PREP: variants seen among roughly 807,000 people sequenced by gnomAD.
PREP encodes dJ355L5.1 (prolyl endopeptidase).
A neutral mutation model predicts 87.6 loss-of-function variants in PREP; 29 were observed. The observed-to-expected ratio is 0.33, with a 90% CI of 0.25 to 0.45. PREP has a LOEUF of 0.45. Among genes scored for constraint, PREP ranks in the 20% least tolerant of loss-of-function variants. PREP has a pLI of 1.00. For synonymous variants in PREP, 337 were observed against 328.6 expected, an observed-to-expected ratio of 1.03 and a Z score of -0.28; for missense variants, 695 against 886.5, an observed-to-expected ratio of 0.78 and a Z score of 2.74.
intron 11 of PREP, among the ~76,000 whole-genome samples, chr6:105,288,113 G>A (rs1297293892): frequency 1.3e-5 from 2 of 152,120 alleles, no homozygotes; most frequent in African/African-American, 2.4e-5. Context: ...AAGGTAGTGC[G>A]GTGGCAGCAA....
At chr6:105,386,077 A>T (rs1772987687) in intron 2 of PREP, among the ~76,000 whole-genome samples, 1 of 152,180 alleles carries the variant, frequency 6.6e-6, no homozygotes, top group Non-Finnish European at 1.5e-5. Context: ...CCGAGATAGC[A>T]CCATTGCACT....
At chr6:105,355,907 A>G (rs943209161) in intron 6 of PREP, among the ~76,000 whole-genome samples, 2 of 152,112 alleles carry the variant, frequency 1.3e-5, no homozygotes, top group African/African-American at 2.4e-5. Context: ...CTAGAAGAGT[A>G]TGTGGTTCAT....
intron 6 of PREP, among the ~76,000 whole-genome samples, chr6:105,362,799 C>G (rs566454953): frequency 1.3e-5 from 2 of 152,216 alleles, no homozygotes; most frequent in South Asian, 4.1e-4. Context: ...ATGGACTGTG[C>G]CAACTGGGAA....
chr6:105,322,862 A>G, intron 10 of PREP: 5 of 1,172,338 alleles, frequency 4.3e-6, no homozygotes, highest in Non-Finnish European at 5.4e-6. Flanking sequence ...TCACCAAGCT[A>G]TAATAATGCC....
In PREP at chr6:105,333,248, C is replaced by T. The variant is rs116397688; in HGVS notation, c.1015+66G>A. 1.9e-3 allele frequency: 2,634 copies of T among 1,422,736 alleles called. 38 individuals are homozygous for T. In the African/African-American group the frequency reaches 0.032, roughly 17 times the overall value. The allele number at this position is 1,422,736 out of a possible 1,614,324, so 88.1% of individuals were successfully genotyped here. A position where few individuals can be genotyped will look rare whatever the true frequency, so the allele number is the denominator to read the frequency against. On this transcript the variant is annotated intron_variant, in intron 8 of 14. Transcript: ENST00000652536. Reference sequence around the variant, plus strand: ...TAACAGATCACTAGAGAATGAGAGACGCACTAACTTGTTGATGTTCTCATC... The same window carrying T: ...TAACAGATCACTAGAGAATGAGAGATGCACTAACTTGTTGATGTTCTCATC...
At chr6:105,317,650 A>C (rs1770911662) in intron 10 of PREP, among the ~76,000 whole-genome samples, 1 of 152,122 alleles carries the variant, frequency 6.6e-6, no homozygotes, top group African/African-American at 2.4e-5. Flanking sequence ...CCAAGGATGG[A>C]CTGTGTCCAC....
chr6:105,339,770 G>C (rs1316444657), intron 7 of PREP, among the ~76,000 whole-genome samples: 1 of 152,148 alleles, frequency 6.6e-6, no homozygotes, highest in East Asian at 1.9e-4. Flanking sequence ...ATTCGATCAA[G>C]TGGAAGAAAG....
chr6:105,302,851 C>G (rs551279996), intron 10 of PREP: 1 of 342,222 alleles, frequency 2.9e-6, no homozygotes, highest in African/African-American at 2.2e-5. Context: ...CCGCCGCCTG[C>G]TCCGAGGGCT....
intron 7 of PREP, among the ~76,000 whole-genome samples, chr6:105,339,521 T>C (rs564421101): frequency 6.6e-6 from 1 of 152,294 alleles, no homozygotes; most frequent in Non-Finnish European, 1.5e-5. Context: ...GGAACAAAGC[T>C]GGATGGAGAA....
chr6:105,277,165 T>TC lies in PREP; in HGVS notation c.*978_*979insG, dbSNP rs1269754601. Among the ~76,000 whole-genome samples, 2 of 145,486 alleles carry TC rather than the reference T, an allele frequency of 1.4e-5. No homozygotes were observed. Among genetic ancestry groups the TC allele is most frequent in the African/African-American group, 5.6e-5 (2 of 35,780 alleles). On this transcript the variant is annotated 3_prime_UTR_variant, in exon 15 of 15. Coordinates refer to ENST00000652536, the MANE Select transcript of PREP (RefSeq NM_002726.5). ...TTGGGGGTGGGCAAACCAAAACTTT[T>TC]TTTTTTTTTTTTCCAGTAAGTAAGT...
intron 5 of PREP, 116 bp from the exon 6 acceptor site, chr6:105,369,140 G>A: frequency 9.7e-7 from 1 of 1,029,398 alleles, no homozygotes; most frequent in Non-Finnish European, 1.4e-6. Context: ...AGGATACAAG[G>A]TTAACATACA....
intron 7 of PREP, among the ~76,000 whole-genome samples, chr6:105,336,529 A>T (rs1771483116): frequency 6.6e-6 from 1 of 152,204 alleles, no homozygotes; most frequent in Non-Finnish European, 1.5e-5. Flanking sequence ...ATGATGTTAG[A>T]TATACAAAGA....
At chr6:105,387,545 T>C (rs898211433) in intron 2 of PREP, among the ~76,000 whole-genome samples, 2 of 146,964 alleles carry the variant, frequency 1.4e-5, no homozygotes, top group Non-Finnish European at 3.0e-5. Flanking sequence ...TGGGCCACAC[T>C]GGAAGAAGAA....
chr6:105,372,946 C>A (rs149324040), intron 5 of PREP, among the ~76,000 whole-genome samples: 141 of 152,302 alleles, frequency 9.3e-4, no homozygotes, highest in Non-Finnish European at 1.7e-3. Flanking sequence ...CAGGAGCAAG[C>A]CTAGGCATTA....
intron 10 of PREP, among the ~76,000 whole-genome samples, chr6:105,308,788 A>T (rs1770701327): frequency 6.6e-6 from 1 of 152,190 alleles, no homozygotes; most frequent in African/African-American, 2.4e-5. Flanking sequence ...GACTCTGGGG[A>T]CACAGCAGTG....
At chr6:105,402,308 G>A (rs1395803324) in intron 1 of PREP, among the ~76,000 whole-genome samples, 1 of 152,134 alleles carries the variant, frequency 6.6e-6, no homozygotes, top group Non-Finnish European at 1.5e-5. Context: ...CATCCGACCT[G>A]GGACAGGGTA....
rs1769957216 is a variant in PREP at position 105,277,175 on chromosome 6, T to TTTC, written c.*966_*968dup. Among the ~76,000 whole-genome samples the TTTC allele has an allele frequency of 7.0e-6, 1 of 142,232 alleles. No individual in the cohort carries two copies. Among genetic ancestry groups the TTTC allele is most frequent in the African/African-American group, 3.0e-5 (1 of 33,466 alleles). The allele number at this position is 142,232 out of a possible 152,430, so 93.3% of individuals were successfully genotyped here. A position where few individuals can be genotyped will look rare whatever the true frequency, so the allele number is the denominator to read the frequency against. On this transcript the variant is annotated 3_prime_UTR_variant, in exon 15 of 15. Transcript: ENST00000652536. ...GCAAACCAAAACTTTTTTTTTTTTT[T>TTTC]TTCCAGTAAGTAAGTATGACTATTT...
rs867821597 is a variant in PREP at position 105,349,894 on chromosome 6, C to G, written c.823+3078G>C. ...AAAGAGGATAACAAAATTGGGGAAGCAGGTAAAAAAAAAAAAAAAAAAAAA... is the reference window on the plus strand; with the variant it reads ...AAAGAGGATAACAAAATTGGGGAAGGAGGTAAAAAAAAAAAAAAAAAAAAA... On this transcript the variant is annotated intron_variant, in intron 7 of 14. Coordinates refer to ENST00000652536, the MANE Select transcript of PREP (RefSeq NM_002726.5). 7.6e-5 allele frequency among the ~76,000 whole-genome samples: 5 copies of G among 65,570 alleles called. No individual in the cohort carries two copies. The East Asian group carries it at 1.1e-3, about 14-fold the overall frequency. The allele number at this position is 65,570 out of a possible 152,430, so 43.0% of individuals were successfully genotyped here. A position where few individuals can be genotyped will look rare whatever the true frequency, so the allele number is the denominator to read the frequency against.
intron 2 of PREP, among the ~76,000 whole-genome samples, chr6:105,382,828 A>G (rs9285386): frequency 0.29 from 44,511 of 152,074 alleles, 8,445 homozygotes; most frequent in African/African-American, 0.55. Flanking sequence ...TGAAATACCA[A>G]TGAAAACTAA....
Sources: allele counts gnomAD v4.1 joint callset (sites outside exome capture counted in the v4.1 genomes callset), GRCh38; gene constraint gnomAD v4.1.1; transcripts MANE v1.5; gene names NCBI Gene and HGNC (gene_info 2026-07-23, HGNC 2026-07-21).